GGACT: variants seen among roughly 807,000 people sequenced by gnomAD.
GGACT encodes the protein gamma-glutamylamine cyclotransferase.
For missense variants in GGACT, 241 were observed against 233.2 expected (o/e 1.03, Z -0.22); for synonymous variants, 118 against 115.3 (o/e 1.02, Z -0.15).
At chr13:100,563,320 A>C (rs531460134) in intron 2 of GGACT, among the ~76,000 whole-genome samples, 1 of 152,246 alleles carries the variant, frequency 6.6e-6, no homozygotes, top group South Asian at 2.1e-4. Flanking sequence ...GGGGCTCGGG[A>C]TGGAAGAATG....
intron 2 of GGACT, among the ~76,000 whole-genome samples, chr13:100,566,855 C>T (rs375768147): frequency 2.6e-5 from 4 of 152,342 alleles, no homozygotes; most frequent in South Asian, 4.1e-4. Context: ...GTCCTGATAA[C>T]GTGCTTTACA....
intron 2 of GGACT, among the ~76,000 whole-genome samples, chr13:100,561,465 C>T (rs1171670357): frequency 6.6e-6 from 1 of 152,230 alleles, no homozygotes; most frequent in African/African-American, 2.4e-5. Flanking sequence ...TGCCTCCTGC[C>T]TCTTCACCCC....
intron 2 of GGACT, among the ~76,000 whole-genome samples, chr13:100,560,723 C>T (rs1194648585): frequency 6.6e-6 from 1 of 152,230 alleles, no homozygotes; most frequent in African/African-American, 2.4e-5. Context: ...AGGTTTTATT[C>T]TGGACATTTC....
chr13:100,551,559 T>C (rs1246437397), intron 2 of GGACT, among the ~76,000 whole-genome samples: 3 of 152,098 alleles, frequency 2.0e-5, no homozygotes, highest in Non-Finnish European at 4.4e-5. Flanking sequence ...AGCTAAGGGG[T>C]AGCTAAACTC....
Position 100,532,389 on chromosome 13 carries a change from T to C in GGACT, c.203A>G (p.Tyr68Cys), listed in dbSNP as rs2088417501. 7.7e-6 allele frequency: 12 copies of C among 1,550,386 alleles called. No homozygotes were observed. Among genetic ancestry groups the C allele is most frequent in the Non-Finnish European group, 9.6e-6 (11 of 1,146,658 alleles). ...GCGCAGCATCCGCTCGTCTACCGCGTAGACCTCGCCCTCCACGAGGCGCCC... is the reference window on the plus strand; with the variant it reads ...GCGCAGCATCCGCTCGTCTACCGCGCAGACCTCGCCCTCCACGAGGCGCCC... ...GSGRLVEGEV[Y>C]AVDERMLRFL... Residue 68 changes from tyrosine to cysteine, a missense_variant, in exon 3 of 3, where the codon TAC (tyrosine) becomes TGC (cysteine). Transcript: ENST00000683975.
chr13:100,544,134 C>A (rs1357300646), intron 2 of GGACT, among the ~76,000 whole-genome samples: 1 of 152,158 alleles, frequency 6.6e-6, no homozygotes, highest in Non-Finnish European at 1.5e-5. Flanking sequence ...TGGAAACCTT[C>A]TTGTGTCTCA....
In GGACT at chr13:100,530,727, C is replaced by CTGTT; in HGVS notation, c.*1399_*1402dup. The CTGTT allele has an allele frequency of 5.4e-6, 1 of 185,912 alleles. No individual in the cohort carries two copies. The allele number at this position is 185,912 out of a possible 1,614,324, so 11.5% of individuals were successfully genotyped here. On this transcript the variant is annotated 3_prime_UTR_variant, in exon 3 of 3. Coordinates refer to ENST00000683975, the MANE Select transcript of GGACT (RefSeq NM_001195087.2). ...CCTGCTGTGTCTCTATGTGGGTGTA[C>CTGTT]TGTTGGTGGCTGACTCCCCTGGAGG...
intron 2 of GGACT, among the ~76,000 whole-genome samples, chr13:100,543,467 A>T (rs775247798): frequency 6.6e-6 from 1 of 152,036 alleles, no homozygotes; most frequent in Non-Finnish European, 1.5e-5. Context: ...CGGCCTCCCA[A>T]AGTGCTAGAT....
intron 2 of GGACT, among the ~76,000 whole-genome samples, chr13:100,543,303 G>A (rs2088572438): frequency 7.4e-6 from 1 of 134,288 alleles, no homozygotes; most frequent in Non-Finnish European, 1.5e-5. Context: ...CGCCTCCCAG[G>A]TTCAAGCAGT....
chr13:100,557,452 T>A (rs1240808822), intron 2 of GGACT, among the ~76,000 whole-genome samples: 2 of 151,900 alleles, frequency 1.3e-5, no homozygotes, highest in Non-Finnish European at 1.5e-5. Flanking sequence ...CAGAACAGAG[T>A]CCAGAAGTAG....
chr13:100,579,839 A>G (rs114301896), intron 2 of GGACT, among the ~76,000 whole-genome samples: 28 of 152,160 alleles, frequency 1.8e-4, no homozygotes, highest in African/African-American at 6.7e-4. Context: ...TTGCTTTTCT[A>G]TTGTTAATCT....
chr13:100,553,535 CA>C (rs1028503194), intron 2 of GGACT, among the ~76,000 whole-genome samples: 3 of 152,136 alleles, frequency 2.0e-5, no homozygotes, highest in Non-Finnish European at 4.4e-5. Flanking sequence ...CACTGCAGGA[CA>C]AGTTTACCTG....
At chr13:100,552,398 C>A (rs1399598228) in intron 2 of GGACT, among the ~76,000 whole-genome samples, 1 of 152,156 alleles carries the variant, frequency 6.6e-6, no homozygotes, top group Non-Finnish European at 1.5e-5. Flanking sequence ...CACGCCACCC[C>A]CCAACATACT....
rs1417469839 is a variant in GGACT, at chr13:100,534,251, G to A, written c.-10-1650C>T. 6.6e-6 allele frequency among the ~76,000 whole-genome samples: 1 copy of A among 152,208 alleles called. No homozygotes were observed. The highest frequency in any genetic ancestry group is 6.5e-5 in the Admixed American group (1 of 15,280). On this transcript the variant is annotated intron_variant, in intron 2 of 2. Transcript: ENST00000683975. This position sits in a 1 kb window ranked among gnomAD's most constrained non-coding sequence, Gnocchi z 4.9. ...AGGCACATTGCACTAGGAAAGGTGT[G>A]GCCGTGGGAAAAACACAAGGCTAGC...
chr13:100,554,696 T>A (rs903816091), intron 2 of GGACT, among the ~76,000 whole-genome samples: 4 of 152,186 alleles, frequency 2.6e-5, no homozygotes, highest in Non-Finnish European at 5.9e-5. Context: ...GAACATACTT[T>A]AAAATATGTC....
chr13:100,577,429 AT>A (rs1875282193), intron 2 of GGACT, among the ~76,000 whole-genome samples: 4 of 150,002 alleles, frequency 2.7e-5, no homozygotes, highest in African/African-American at 9.8e-5. Context: ...AAATAAATAA[AT>A]AAATAAATAA....
At chr13:100,546,204 C>CA (rs1392824158) in intron 2 of GGACT, among the ~76,000 whole-genome samples, 5 of 150,920 alleles carry the variant, frequency 3.3e-5, no homozygotes, top group South Asian at 2.1e-4. Context: ...ACTAAAAATA[C>CA]AAAAAAAATT....
chr13:100,532,541 G>A lies in GGACT; in HGVS notation c.51C>T (p.His17=). The A allele has an allele frequency of 1.3e-6, 2 of 1,547,876 alleles. No homozygotes were observed. The highest frequency in any genetic ancestry group is 1.7e-6 in the Non-Finnish European group (2 of 1,145,476). Residue 17 remains histidine (H), a synonymous_variant, in exon 3 of 3, where the codon CAC becomes CAT. Coordinates refer to ENST00000683975, the MANE Select transcript of GGACT (RefSeq NM_001195087.2). ...YGTLKRGQPN[H]RVLRDGAHGS... ...CGTGGGCGCCGTCCCGCAGGACCCTGTGGTTGGGCTGACCCCGCTTCAGGG... is the reference window on the plus strand; with the variant it reads ...CGTGGGCGCCGTCCCGCAGGACCCTATGGTTGGGCTGACCCCGCTTCAGGG...
intron 2 of GGACT, among the ~76,000 whole-genome samples, chr13:100,540,893 CCGGGCTGGGA>C (rs1433157681): frequency 6.6e-6 from 1 of 152,216 alleles, no homozygotes; most frequent in African/African-American, 2.4e-5. Flanking sequence ...GGCCCCTGGG[CCGGGCTGGGA>C]GGGGTGACAC....
Sources: gnomAD v4.1 joint callset for allele counts (sites outside exome capture counted in the v4.1 genomes callset) on GRCh38, gnomAD v4.1.1 for gene constraint, Gnocchi (gnomAD v3.1) non-coding constraint, MANE v1.5 for transcripts, NCBI Gene and HGNC (gene_info 2026-07-23, HGNC 2026-07-21) for gene names.